DHTKD1: variants seen among roughly 807,000 people sequenced by gnomAD.
DHTKD1 encodes 2-oxoadipate dehydrogenase complex component E1.
Under a neutral mutation model 101.8 loss-of-function variants are expected in DHTKD1, and 78 were observed. The ratio of observed to expected loss-of-function variants is 0.77; its 90% CI spans 0.64 to 0.93. The LOEUF is 0.93. DHTKD1 is among the 40% of genes least tolerant of loss of function. The pLI is 0.00. For synonymous variants in DHTKD1, 462 were observed against 450.3 expected (o/e 1.03, Z -0.33); for missense variants, 1,223 against 1,161.7 (o/e 1.05, Z -0.77).
intron 1 of DHTKD1, 73 bp downstream of exon 1, chr10:12,069,260 G>T (rs973739920): frequency 2.3e-5 from 32 of 1,392,608 alleles, no homozygotes; most frequent in Non-Finnish European, 2.7e-5. Flanking sequence ...TTTGCGGTGG[G>T]GTGTCGGGGT....
intron 2 of DHTKD1, among the ~76,000 whole-genome samples, chr10:12,083,097 G>T (rs1832848316): frequency 6.6e-6 from 1 of 151,980 alleles, no homozygotes. Flanking sequence ...AGCGGAGCTT[G>T]CAGTGAGCCA....
intron 1 of DHTKD1, among the ~76,000 whole-genome samples, chr10:12,080,643 G>A (rs572201948): frequency 1.3e-4 from 20 of 150,992 alleles, no homozygotes; most frequent in African/African-American, 3.6e-4. Flanking sequence ...CCCGGGAGGC[G>A]CAGGTTGCAG....
At chr10:12,079,686 T>C (rs1832785569) in intron 1 of DHTKD1, among the ~76,000 whole-genome samples, 1 of 151,646 alleles carries the variant, frequency 6.6e-6, no homozygotes, top group Non-Finnish European at 1.5e-5. Context: ...AATAAAAAAA[T>C]AAAAGGTGAG....
intron 7 of DHTKD1, among the ~76,000 whole-genome samples, 172 bp from the exon 8 acceptor site, chr10:12,097,512 G>A (rs1412613108): frequency 1.3e-5 from 2 of 152,150 alleles, no homozygotes; most frequent in South Asian, 4.1e-4. Context: ...GACCTCAGGT[G>A]ATCCACCCAC....
chr10:12,104,005 T>C (rs2658196), intron 10 of DHTKD1, among the ~76,000 whole-genome samples: 145,620 of 152,166 alleles, frequency 0.96, 70,033 homozygotes, highest in Middle Eastern at 1. Flanking sequence ...TCACTGCCCA[T>C]TCCTTCCTCC....
chr10:12,105,048 C>T (rs187882304), intron 10 of DHTKD1, among the ~76,000 whole-genome samples: 4 of 151,894 alleles, frequency 2.6e-5, no homozygotes, highest in African/African-American at 9.7e-5. Flanking sequence ...TTTGTAGAGA[C>T]TGGGTTTCAC....
intron 15 of DHTKD1, among the ~76,000 whole-genome samples, chr10:12,119,548 G>A (rs192746620): frequency 0.023 from 3,436 of 149,758 alleles, 69 homozygotes; most frequent in Non-Finnish European, 0.035. Flanking sequence ...CCCGGGAGGC[G>A]GAGCTTGCAG....
chr10:12,104,839 A>G (rs1833219976), intron 10 of DHTKD1, among the ~76,000 whole-genome samples: 2 of 151,700 alleles, frequency 1.3e-5, no homozygotes. Flanking sequence ...CACAGACATG[A>G]CTACCATGTA....
At chr10:12,094,472 A>T (rs1833038762) in intron 7 of DHTKD1, among the ~76,000 whole-genome samples, 1 of 152,116 alleles carries the variant, frequency 6.6e-6, no homozygotes, top group Admixed American at 6.5e-5. Flanking sequence ...AGTAGCTGGG[A>T]TTACAGGCGT....
chr10:12,091,660 T>TCTTCTTTATA lies in DHTKD1; in HGVS notation c.1138_1147dup (p.Cys383PhefsTer6). On this transcript the variant is annotated frameshift_variant, in exon 6 of 17. Coordinates refer to ENST00000263035, the MANE Select transcript of DHTKD1 (RefSeq NM_018706.7). LOFTEE classifies it high-confidence loss of function. ...CACCACTCCAGCTGAAAGAGGAAGG[T>TCTTCTTTATA]CTTCTTTATACTGCAGTGATATTGG... 6.2e-7 allele frequency: 1 copy of TCTTCTTTATA among 1,613,806 alleles called. No individual in the cohort carries two copies. Among genetic ancestry groups the TCTTCTTTATA allele is most frequent in the East Asian group, 2.2e-5 (1 of 44,846 alleles).
chr10:12,076,518 G>C (rs1832734048), intron 1 of DHTKD1, among the ~76,000 whole-genome samples: 1 of 151,896 alleles, frequency 6.6e-6, no homozygotes, highest in Admixed American at 6.6e-5. Context: ...GTGGAAAACT[G>C]TGAGAATACA....
At chr10:12,073,731 GA>G (rs1301290257) in intron 1 of DHTKD1, among the ~76,000 whole-genome samples, 2 of 152,186 alleles carry the variant, frequency 1.3e-5, no homozygotes, top group African/African-American at 4.8e-5. Context: ...AGGCAGACTG[GA>G]GTAATGCGTG....
chr10:12,102,835 TCTC>T lies in DHTKD1; in HGVS notation c.1896+1657_1896+1659del, dbSNP rs1331225120. Among the ~76,000 whole-genome samples the T allele has an allele frequency of 2.0e-5, 3 of 152,124 alleles. No homozygotes were observed. The East Asian group carries it at 5.8e-4, about 30-fold the overall frequency. ...CCTCTGCCTCCTGGGTTGGAGCAGT[TCTC>T]CTGCTTCAGCCTCCCAAGTAGCTGG... On this transcript the variant is annotated intron_variant, in intron 10 of 16. Coordinates refer to ENST00000263035, the MANE Select transcript of DHTKD1 (RefSeq NM_018706.7).
chr10:12,077,501 T>C (rs1832752392), intron 1 of DHTKD1, among the ~76,000 whole-genome samples: 1 of 152,196 alleles, frequency 6.6e-6, no homozygotes, highest in Admixed American at 6.6e-5. Flanking sequence ...CCTCCCAAAG[T>C]GCTGGGATTA....
intron 13 of DHTKD1, 133 bp downstream of exon 13, chr10:12,113,197 ATTTT>A (rs945060769): frequency 2.2e-6 from 2 of 899,338 alleles, no homozygotes; most frequent in Non-Finnish European, 3.2e-6. Context: ...TGCTACTTTC[ATTTT>A]TTTTGTTGTT....
At chr10:12,080,710 GAAAAA>G (rs35514505) in intron 1 of DHTKD1, among the ~76,000 whole-genome samples, 2 of 136,294 alleles carry the variant, frequency 1.5e-5, no homozygotes. Flanking sequence ...GACAATGTCT[GAAAAA>G]AAAAAAAAGA....
chr10:12,109,955 T>A (rs1225035557), intron 12 of DHTKD1, among the ~76,000 whole-genome samples: 1 of 152,050 alleles, frequency 6.6e-6, no homozygotes, highest in Non-Finnish European at 1.5e-5. Context: ...TAGAGCAACT[T>A]GTCCAACCTG....
chr10:12,119,323 A>C (rs895019309), intron 15 of DHTKD1, among the ~76,000 whole-genome samples: 7 of 146,418 alleles, frequency 4.8e-5, no homozygotes, highest in Non-Finnish European at 1.0e-4. Flanking sequence ...AAAACATGAA[A>C]ATTTGGTACA....
chr10:12,098,767 G>T (rs753239481), intron 8 of DHTKD1, among the ~76,000 whole-genome samples: 15 of 152,132 alleles, frequency 9.9e-5, no homozygotes, highest in Non-Finnish European at 2.2e-4. Flanking sequence ...TTTTCACCAT[G>T]TTGGCCAGGT....
Sources: gnomAD v4.1 joint callset for allele counts (sites outside exome capture counted in the v4.1 genomes callset) on GRCh38, gnomAD v4.1.1 for gene constraint, MANE v1.5 for transcripts, NCBI Gene and HGNC (gene_info 2026-07-23, HGNC 2026-07-21) for gene names.